PATJ: variants seen among roughly 807,000 people sequenced by gnomAD.
The protein encoded by PATJ is inaD-like protein.
In PATJ, 190 loss-of-function variants were observed where a neutral mutation model predicts 224.9. The ratio of observed to expected loss-of-function variants is 0.84; its 90% CI spans 0.75 to 0.95. The LOEUF (loss-of-function observed/expected upper bound fraction) is 0.95, where lower values mean the gene tolerates loss of function less well. Ranked by LOEUF, PATJ falls within the 40% of genes least tolerant of loss-of-function variation. PATJ has a pLI of 0.00. For synonymous variants in PATJ, 769 were observed against 820.3 expected, an observed-to-expected ratio of 0.94 and a Z score of 1.07; for missense variants, 2,121 against 2,270.3, an observed-to-expected ratio of 0.93 and a Z score of 1.34.
At chr1:62,042,794 G>T (rs1478096699) in intron 30 of PATJ, among the ~76,000 whole-genome samples, 1 of 152,016 alleles carries the variant, frequency 6.6e-6, no homozygotes, top group South Asian at 2.1e-4. Flanking sequence ...CTATAGGCAC[G>T]TACCATCATG....
chr1:61,808,773 T>C (rs913953168), intron 14 of PATJ, among the ~76,000 whole-genome samples: 7 of 152,168 alleles, frequency 4.6e-5, no homozygotes, highest in Admixed American at 4.6e-4. Flanking sequence ...TTCCAGAATT[T>C]AGTCTTGCAT....
chr1:61,939,966 G>A (rs1009887775), intron 27 of PATJ, among the ~76,000 whole-genome samples: 4 of 151,842 alleles, frequency 2.6e-5, no homozygotes, highest in African/African-American at 7.3e-5. Context: ...GAGCCACCGC[G>A]CCCGGCCTAT....
intron 6 of PATJ, 46 bp downstream of exon 6, chr1:61,771,672 TGATC>T: frequency 7.4e-7 from 1 of 1,358,744 alleles, no homozygotes; most frequent in Non-Finnish European, 1.0e-6. Context: ...ATAATGCCAT[TGATC>T]GTAAGAAGTG....
intron 1 of PATJ, among the ~76,000 whole-genome samples, chr1:61,757,306 A>G (rs1239646900): frequency 6.6e-6 from 1 of 152,050 alleles, no homozygotes. Flanking sequence ...TCCTGGGCTC[A>G]AGCAATTCTT....
At chr1:62,059,263 G>A (rs1484261224) in intron 31 of PATJ, among the ~76,000 whole-genome samples, 1 of 152,144 alleles carries the variant, frequency 6.6e-6, no homozygotes, top group African/African-American at 2.4e-5. Context: ...CTTTGAAATG[G>A]TTTTCAACAG....
At chr1:62,152,594 T>C (rs576209273) in intron 42 of PATJ, among the ~76,000 whole-genome samples, 4 of 151,600 alleles carry the variant, frequency 2.6e-5, no homozygotes, top group Admixed American at 6.6e-5. Flanking sequence ...GAGGTTGCAG[T>C]GAGCCAAGAT....
chr1:61,805,141 A>G (rs1222063302), intron 12 of PATJ, among the ~76,000 whole-genome samples: 1 of 152,226 alleles, frequency 6.6e-6, no homozygotes, highest in Admixed American at 6.5e-5. Context: ...GGATATTTAC[A>G]TATAAACTGT....
rs561858514 is a variant in PATJ, at chr1:62,102,622, G to A, written c.4378-5815G>A. On this transcript the variant is annotated intron_variant, in intron 33 of 43. Transcript: ENST00000642238. ...AATCTCAACACTTTGGGAGGCTGAG[G>A]TGAGAGGATCACTTCAGCCCAGAAG... 8.5e-5 allele frequency among the ~76,000 whole-genome samples: 13 copies of A among 152,128 alleles called. No individual in the cohort carries two copies. The East Asian group carries it at 2.3e-3, about 27-fold the overall frequency.
chr1:61,771,690 A>C, intron 6 of PATJ, 64 bp downstream of exon 6: 4 of 1,207,530 alleles, frequency 3.3e-6, no homozygotes, highest in Non-Finnish European at 4.5e-6. Flanking sequence ...AGAAGTGTAA[A>C]GACATTTAGA....
rs1427483369 is a variant in PATJ at position 62,106,115 on chromosome 1, CACACAA to C, written c.4378-2316_4378-2311del. Among the ~76,000 whole-genome samples, 13 of 46,474 alleles carry C rather than the reference CACACAA, an allele frequency of 2.8e-4. No individual in the cohort carries two copies. The East Asian group carries it at 4.8e-3, about 17-fold the overall frequency. 30.5% of individuals were successfully genotyped at this position (46,474 alleles called of 152,430 possible). Reference sequence around the variant, plus strand: ...ACACACACACACACACACACACACACACACAAACACACATATATACATGTGTATATG... The same window carrying C: ...ACACACACACACACACACACACACACACACACATATATACATGTGTATATG... On this transcript the variant is annotated intron_variant, in intron 33 of 43. Coordinates refer to ENST00000642238, the MANE Select transcript of PATJ (RefSeq NM_001350145.3).
chr1:62,106,158 G>GTATATATATATATATATATATATA lies in PATJ; in HGVS notation c.4378-2273_4378-2250dup, dbSNP rs61653676. On this transcript the variant is annotated intron_variant, in intron 33 of 43. Transcript: ENST00000642238. Reference sequence around the variant, plus strand: ...TACATGTGTATATGTGTGTGTGTGTGTATATATATATATATATATATATAT... The same window carrying GTATATATATATATATATATATATA: ...TACATGTGTATATGTGTGTGTGTGTGTATATATATATATATATATATATATATATATATATATATATATATATAT... 3.6e-3 allele frequency among the ~76,000 whole-genome samples: 171 copies of GTATATATATATATATATATATATA among 48,006 alleles called. 7 individuals carry two copies. The highest frequency in any genetic ancestry group is 5.6e-3 in the Non-Finnish European group (128 of 22,778). 31.5% of individuals were successfully genotyped at this position (48,006 alleles called of 152,430 possible).
At chr1:61,937,841 G>C (rs1450939452) in intron 27 of PATJ, among the ~76,000 whole-genome samples, 4 of 152,068 alleles carry the variant, frequency 2.6e-5, no homozygotes, top group South Asian at 4.2e-4. Context: ...GTAGCGATAG[G>C]GTTTCCCCAT....
intron 9 of PATJ, among the ~76,000 whole-genome samples, chr1:61,792,969 A>T (rs1462046402): frequency 6.6e-6 from 1 of 152,170 alleles, no homozygotes; most frequent in Admixed American, 6.5e-5. Context: ...TATTCATTGG[A>T]CTTTTGAGCA....
intron 27 of PATJ, among the ~76,000 whole-genome samples, chr1:61,985,261 G>A (rs1008207068): frequency 1.3e-5 from 2 of 152,032 alleles, no homozygotes; most frequent in Non-Finnish European, 2.9e-5. Context: ...GCAGTGAACC[G>A]AGATCGTGCC....
intron 28 of PATJ, among the ~76,000 whole-genome samples, chr1:62,016,681 A>G (rs886930429): frequency 2.0e-5 from 3 of 152,224 alleles, no homozygotes; most frequent in Non-Finnish European, 4.4e-5. Flanking sequence ...GGTAGATCCA[A>G]TCAAGTTTAA....
At chr1:62,026,223 T>C (rs879340669) in intron 29 of PATJ, among the ~76,000 whole-genome samples, 15 of 152,278 alleles carry the variant, frequency 9.9e-5, no homozygotes, top group Non-Finnish European at 1.6e-4. Flanking sequence ...GGAATCTTTT[T>C]GGAAAGGAGT....
intron 34 of PATJ, among the ~76,000 whole-genome samples, chr1:62,109,604 T>G (rs1449802852): frequency 6.6e-6 from 1 of 152,196 alleles, no homozygotes; most frequent in African/African-American, 2.4e-5. Context: ...TACAACATGG[T>G]TTTTTAGCAG....
chr1:61,791,583 A>C (rs1649877553), intron 9 of PATJ, 136 bp downstream of exon 9: 1 of 515,388 alleles, frequency 1.9e-6, no homozygotes, highest in South Asian at 3.2e-5. Flanking sequence ...GCAAGCAGTC[A>C]CTTCTCAGTG....
chr1:62,088,025 G>A (rs1319140796), intron 33 of PATJ, among the ~76,000 whole-genome samples: 1 of 151,024 alleles, frequency 6.6e-6, no homozygotes, highest in Non-Finnish European at 1.5e-5. Context: ...CTGAGTAGCT[G>A]GGATTACAGG....
Sources: gnomAD v4.1 joint callset for allele counts (sites outside exome capture counted in the v4.1 genomes callset) on GRCh38, gnomAD v4.1.1 for gene constraint, MANE v1.5 for transcripts, NCBI Gene and HGNC (gene_info 2026-07-23, HGNC 2026-07-21) for gene names.